PDCD6IP: variants seen among roughly 807,000 people sequenced by gnomAD.
The protein encoded by PDCD6IP is programmed cell death 6 interacting protein, also known as programmed cell death 6-interacting protein.
PDCD6IP carries 43 observed loss-of-function variants against 103.7 expected under a neutral mutation model. The observed-to-expected ratio is 0.41, with a 90% CI of 0.32 to 0.53. The LOEUF (loss-of-function observed/expected upper bound fraction) is 0.53, where lower values mean the gene tolerates loss of function less well. PDCD6IP is among the 20% of genes least tolerant of loss of function. PDCD6IP has a pLI of 0.16. For missense variants in PDCD6IP, 871 were observed against 1,036.7 expected (o/e 0.84, Z 2.20); for synonymous variants, 354 against 378.7 (o/e 0.93, Z 0.76).
chr3:33,834,165 C>G (rs952531533), intron 7 of PDCD6IP, among the ~76,000 whole-genome samples: 3 of 152,190 alleles, frequency 2.0e-5, no homozygotes. Context: ...CACCAGCTCT[C>G]TTGGGATGAG....
intron 3 of PDCD6IP, among the ~76,000 whole-genome samples, chr3:33,820,971 G>T (rs1327867614): frequency 7.9e-5 from 12 of 152,046 alleles, no homozygotes; most frequent in Admixed American, 7.9e-4. Flanking sequence ...TTGAGGACCT[G>T]CCATATTGTT....
At chr3:33,836,379 ATGT>A in intron 8 of PDCD6IP, 113 bp downstream of exon 8, 1 of 641,204 alleles carries the variant, frequency 1.6e-6, no homozygotes, top group Non-Finnish European at 2.8e-6. Context: ...ATTTGTATTC[ATGT>A]TGTTTAAAAT....
intron 12 of PDCD6IP, among the ~76,000 whole-genome samples, chr3:33,848,185 C>T (rs1341249113): frequency 6.6e-6 from 1 of 152,108 alleles, no homozygotes; most frequent in Non-Finnish European, 1.5e-5. Context: ...TATTTACTCA[C>T]CAAGTGTTTT....
In PDCD6IP at chr3:33,836,223, G is replaced by A; in HGVS notation, c.1014G>A (p.Val338=). ...DLDPIGKATL[V]KSTPVNVPIS... is the part of the protein sequence containing the mutation. ...ATCCTATTGGCAAAGCCACACTTGTGAAATCTACCCCGGTCAATGTACCCA... is the reference window on the plus strand; with the variant it reads ...ATCCTATTGGCAAAGCCACACTTGTAAAATCTACCCCGGTCAATGTACCCA... Residue 338 remains valine (V), a synonymous_variant, in exon 8 of 18, where the codon GTG becomes GTA. Transcript: ENST00000307296. The A allele has an allele frequency of 1.2e-6, 2 of 1,613,100 alleles. No individual in the cohort carries two copies. Among genetic ancestry groups the A allele is most frequent in the South Asian group, 2.2e-5 (2 of 91,052 alleles).
chr3:33,833,662 T>A (rs1485880191), intron 7 of PDCD6IP, among the ~76,000 whole-genome samples: 1 of 152,194 alleles, frequency 6.6e-6, no homozygotes, highest in Non-Finnish European at 1.5e-5. Context: ...TTAGTTTAGT[T>A]TAGTTTTTAG....
At chr3:33,806,564 T>C (rs1696602726) in intron 1 of PDCD6IP, among the ~76,000 whole-genome samples, 1 of 152,250 alleles carries the variant, frequency 6.6e-6, no homozygotes, top group Non-Finnish European at 1.5e-5. Context: ...CACAATGTGC[T>C]AGTTTTTGCC....
At chr3:33,819,766 T>C (rs1696946143) in intron 3 of PDCD6IP, among the ~76,000 whole-genome samples, 1 of 152,242 alleles carries the variant, frequency 6.6e-6, no homozygotes. Context: ...TTGCACATTA[T>C]GCAAGATCTT....
chr3:33,800,881 G>A (rs1451596740), intron 1 of PDCD6IP, among the ~76,000 whole-genome samples: 1 of 152,172 alleles, frequency 6.6e-6, no homozygotes, highest in African/African-American at 2.4e-5. Flanking sequence ...GAGGTTGGTG[G>A]ATAATGGTTT....
intron 8 of PDCD6IP, among the ~76,000 whole-genome samples, chr3:33,836,928 C>T (rs1009330119): frequency 1.0e-4 from 15 of 143,330 alleles, no homozygotes; most frequent in South Asian, 4.5e-4. Context: ...TTTTTCTTTT[C>T]TTTTTTTTTT....
chr3:33,828,794 T>C, intron 6 of PDCD6IP, 59 bp from the exon 7 acceptor site: 1 of 1,592,272 alleles, frequency 6.3e-7, no homozygotes, highest in African/African-American at 1.3e-5. Flanking sequence ...CTGCATCCCA[T>C]GTTGTCTGTG....
chr3:33,847,995 T>G (rs1279513967), intron 12 of PDCD6IP, among the ~76,000 whole-genome samples: 2 of 152,060 alleles, frequency 1.3e-5, no homozygotes, highest in African/African-American at 2.4e-5. Flanking sequence ...AAAAAAACCC[T>G]TTACCTCCTT....
At chr3:33,828,733 T>G in intron 6 of PDCD6IP, 120 bp from the exon 7 acceptor site, 1 of 1,010,836 alleles carries the variant, frequency 9.9e-7, no homozygotes, top group Non-Finnish European at 1.5e-6. Context: ...CCTTAATCTC[T>G]AAACCATTAA....
chr3:33,805,113 T>C (rs1371582067), intron 1 of PDCD6IP, among the ~76,000 whole-genome samples: 1 of 152,134 alleles, frequency 6.6e-6, no homozygotes, highest in African/African-American at 2.4e-5. Flanking sequence ...TCCCAGCACT[T>C]TGGGAGGCTG....
At chr3:33,840,298 A>G (rs1697440006) in intron 9 of PDCD6IP, among the ~76,000 whole-genome samples, 1 of 152,228 alleles carries the variant, frequency 6.6e-6, no homozygotes, top group African/African-American at 2.4e-5. Context: ...AAAGGTCTTC[A>G]TCCTTGTCTA....
chr3:33,808,251 C>G (rs1696639826), intron 1 of PDCD6IP, among the ~76,000 whole-genome samples: 1 of 152,068 alleles, frequency 6.6e-6, no homozygotes, highest in African/African-American at 2.4e-5. Flanking sequence ...AATGGAGGGG[C>G]AACTAATTTT....
At chr3:33,850,111 A>G (rs890654343) in intron 12 of PDCD6IP, among the ~76,000 whole-genome samples, 2 of 152,168 alleles carry the variant, frequency 1.3e-5, no homozygotes, top group Non-Finnish European at 1.5e-5. Context: ...AGCACTTTAT[A>G]TAGATTATCT....
chr3:33,835,418 A>T, intron 7 of PDCD6IP: 6 of 421,930 alleles, frequency 1.4e-5, no homozygotes, highest in South Asian at 1.0e-4. Context: ...TTGGATGTAG[A>T]AATAACCCAA....
intron 13 of PDCD6IP, among the ~76,000 whole-genome samples, chr3:33,853,020 T>A (rs918616985): frequency 4.0e-5 from 6 of 150,960 alleles, no homozygotes; most frequent in African/African-American, 1.2e-4. Context: ...GCCTCCCGGG[T>A]TCACGCCATT....
chr3:33,843,986 A>G (rs1697532926), intron 10 of PDCD6IP, 126 bp from the exon 11 acceptor site: 4 of 561,070 alleles, frequency 7.1e-6, no homozygotes, highest in South Asian at 5.1e-5. Context: ...AAGTCGATTT[A>G]TATTCTAACC....
Sources: allele counts gnomAD v4.1 joint callset (sites outside exome capture counted in the v4.1 genomes callset), GRCh38; gene constraint gnomAD v4.1.1; transcripts MANE v1.5; gene names NCBI Gene and HGNC (gene_info 2026-07-23, HGNC 2026-07-21).